DNAH7: variants seen among roughly 807,000 people sequenced by gnomAD.
The protein encoded by DNAH7 is axonemal beta dynein heavy chain 7.
A neutral mutation model predicts 444.6 loss-of-function variants in DNAH7; 397 were observed. That is an observed-to-expected ratio of 0.89 (90% confidence interval 0.82 to 0.97). The LOEUF (loss-of-function observed/expected upper bound fraction) is 0.97. DNAH7 is among the 50% of genes least tolerant of loss of function. DNAH7 has a pLI of 0.00. For missense variants in DNAH7, 4,902 were observed against 4,800.8 expected, an observed-to-expected ratio of 1.02 and a Z score of -0.62; for synonymous variants, 1,636 against 1,624.4, an observed-to-expected ratio of 1.01 and a Z score of -0.17.
At chr2:195,778,720 A>T in intron 58 of DNAH7, among the ~76,000 whole-genome samples, 1 of 40,752 alleles carries the variant, frequency 2.5e-5, no homozygotes, top group Admixed American at 3.9e-4. Flanking sequence ...ATATATACAC[A>T]TATATATATA....
At chr2:195,920,241 C>A (rs1026934119) in intron 24 of DNAH7, among the ~76,000 whole-genome samples, 1 of 152,116 alleles carries the variant, frequency 6.6e-6, no homozygotes, top group Non-Finnish European at 1.5e-5. Flanking sequence ...CAAAAAAGAG[C>A]CTGCCTAGCC....
intron 28 of DNAH7, among the ~76,000 whole-genome samples, chr2:195,898,370 G>A (rs1686464960): frequency 2.6e-5 from 4 of 151,988 alleles, no homozygotes; most frequent in Admixed American, 2.6e-4. Context: ...GTATCATTCT[G>A]ATAAATTTTT....
chr2:195,950,445 G>A (rs557085547), intron 19 of DNAH7, among the ~76,000 whole-genome samples: 13 of 152,138 alleles, frequency 8.5e-5, no homozygotes, highest in Non-Finnish European at 1.8e-4. Flanking sequence ...CTGTGGGGCC[G>A]GTGGTGATAT....
chr2:196,048,247 C>G (rs1697253743), intron 4 of DNAH7, 49 bp downstream of exon 4: 2 of 1,472,552 alleles, frequency 1.4e-6, no homozygotes. Flanking sequence ...TGTCTGGTCT[C>G]TCTCTACAAA....
chr2:195,857,676 C>T lies in DNAH7; in HGVS notation c.8115G>A (p.Lys2705=), dbSNP rs1310966171. 1 of 1,612,724 alleles carries T rather than the reference C, an allele frequency of 6.2e-7. No homozygotes were observed. Among genetic ancestry groups the T allele is most frequent in the Non-Finnish European group, 8.5e-7 (1 of 1,179,524 alleles). Residue 2705 remains lysine, a synonymous_variant, in exon 44 of 65, where the codon AAG becomes AAA. Transcript: ENST00000312428. ...KSMKSPPAGV[K]LVMEAICILK... ...AGATGCATATAGCTTCCATAACAAG[C>T]TTGACACCAGCAGGAGGACTCTTCA... is the stretch of plus-strand genomic sequence containing the variant.
At chr2:195,792,212 C>G (rs566888022) in intron 57 of DNAH7, among the ~76,000 whole-genome samples, 1 of 136,640 alleles carries the variant, frequency 7.3e-6, no homozygotes, top group African/African-American at 2.7e-5. Flanking sequence ...CTGGAGACTA[C>G]TAAGGGGAAA....
chr2:195,882,199 A>T lies in DNAH7; in HGVS notation c.5764-207T>A, dbSNP rs962974132. 5.5e-4 allele frequency among the ~76,000 whole-genome samples: 84 copies of T among 152,214 alleles called. 1 individual carries two copies. Among genetic ancestry groups the T allele is most frequent in the Non-Finnish European group, 1.3e-4 (9 of 68,032 alleles). On this transcript the variant is annotated intron_variant, in intron 35 of 64. Coordinates refer to ENST00000312428, the MANE Select transcript of DNAH7 (RefSeq NM_018897.3). ...CTAGCTTTTACATGAATACAAATGA[A>T]ACAGCAATACTGTGGTTTTTTGATG...
In DNAH7 at chr2:195,922,075, T is replaced by C; in HGVS notation, c.3935+13A>G. The C allele has an allele frequency of 1.4e-6, 2 of 1,473,232 alleles. No individual in the cohort carries two copies. The highest frequency in any genetic ancestry group is 1.9e-6 in the Non-Finnish European group (2 of 1,053,082). 91.3% of individuals were successfully genotyped at this position (1,473,232 alleles called of 1,614,324 possible). A position where few individuals can be genotyped will look rare whatever the true frequency, so the allele number is the denominator to read the frequency against. On this transcript the variant is annotated intron_variant, in intron 24 of 64. Transcript: ENST00000312428. ...AAGTTATTTCCAATAGATCCTTAAA[T>C]TAAAGGGTTTACCTGTAACATCTAT...
chr2:196,048,473 G>T, intron 3 of DNAH7, 69 bp from the exon 4 acceptor site: 1 of 1,292,556 alleles, frequency 7.7e-7, no homozygotes, highest in East Asian at 2.4e-5. Flanking sequence ...TGAAATGCAC[G>T]AGTGTTTATA....
chr2:196,042,038 C>T (rs1438438789), intron 5 of DNAH7, among the ~76,000 whole-genome samples: 2 of 151,794 alleles, frequency 1.3e-5, no homozygotes, highest in Non-Finnish European at 2.9e-5. Flanking sequence ...GTTAAAATGG[C>T]TATTATCAAA....
At chr2:195,833,477 G>A (rs962151350) in intron 48 of DNAH7, among the ~76,000 whole-genome samples, 1 of 152,172 alleles carries the variant, frequency 6.6e-6, no homozygotes, top group African/African-American at 2.4e-5. Context: ...AGTGAGACTT[G>A]CTGCACTGTC....
rs563659882 is a variant in DNAH7 at position 195,861,320 on chromosome 2, A to G, written c.7736+397T>C. On this transcript the variant is annotated intron_variant, in intron 42 of 64. Transcript: ENST00000312428. ...GGTAAGTTTACTCATGTTTATATTG[A>G]TGTTTTCAAATGACAGTTTATTAGA... is the stretch of plus-strand genomic sequence containing the variant. Among the ~76,000 whole-genome samples, 4 of 152,300 alleles carry G rather than the reference A, an allele frequency of 2.6e-5. No individual in the cohort carries two copies. The South Asian group carries it at 8.3e-4, about 32-fold the overall frequency.
At chr2:195,839,105 T>C (rs1177463794) in intron 47 of DNAH7, among the ~76,000 whole-genome samples, 2 of 151,962 alleles carry the variant, frequency 1.3e-5, no homozygotes, top group Middle Eastern at 3.4e-3. Context: ...ATTAAAAATA[T>C]AGACAAGTTT....
intron 15 of DNAH7, among the ~76,000 whole-genome samples, chr2:195,976,747 C>CAGAGAGAGAGAGAGAGAG (rs60653466): frequency 0.043 from 3,871 of 90,330 alleles, 388 homozygotes; most frequent in Non-Finnish European, 0.058. Flanking sequence ...GAGAGGCAGA[C>CAGAGAGAGAGAGAGAGAG]AGAGAGAGAG....
At chr2:195,809,656 T>C in intron 52 of DNAH7, 89 bp downstream of exon 52, 1 of 1,206,340 alleles carries the variant, frequency 8.3e-7, no homozygotes, top group Non-Finnish European at 1.1e-6. Context: ...CTATTTACAA[T>C]CTTTTTATAT....
chr2:196,030,773 A>G (rs1696001932), intron 5 of DNAH7, among the ~76,000 whole-genome samples: 1 of 152,254 alleles, frequency 6.6e-6, no homozygotes, highest in Admixed American at 6.5e-5. Context: ...CATCCAGGTC[A>G]TGCTGATGCA....
chr2:195,836,441 G>A (rs1183288485), intron 47 of DNAH7, among the ~76,000 whole-genome samples: 1 of 151,762 alleles, frequency 6.6e-6, no homozygotes, highest in Non-Finnish European at 1.5e-5. Flanking sequence ...AGTTTGCAGT[G>A]AGCTGGGATT....
chr2:195,978,848 T>C (rs1209959858), intron 15 of DNAH7, among the ~76,000 whole-genome samples: 1 of 151,990 alleles, frequency 6.6e-6, no homozygotes. Flanking sequence ...TGTAATGATA[T>C]AGGGGCTGAT....
chr2:196,003,405 G>T (rs1694169393), intron 10 of DNAH7, among the ~76,000 whole-genome samples: 1 of 152,208 alleles, frequency 6.6e-6, no homozygotes, highest in East Asian at 1.9e-4. Context: ...ATTTTAAAAA[G>T]TATTCAATTG....
Sources: allele counts gnomAD v4.1 joint callset (sites outside exome capture counted in the v4.1 genomes callset), GRCh38; gene constraint gnomAD v4.1.1; transcripts MANE v1.5; gene names NCBI Gene and HGNC (gene_info 2026-07-23, HGNC 2026-07-21).